RANGAP1: variants seen among roughly 807,000 people sequenced by gnomAD.
RANGAP1 encodes the protein ran GTPase-activating protein 1.
A neutral mutation model predicts 63.5 loss-of-function variants in RANGAP1; 38 were observed. The ratio of observed to expected loss-of-function variants is 0.60; its 90% confidence interval spans 0.46 to 0.78. The LOEUF (loss-of-function observed/expected upper bound fraction) is 0.78. RANGAP1 is among the 30% of genes least tolerant of loss of function. The pLI is 0.00. For missense variants in RANGAP1, 630 were observed against 740.3 expected (o/e 0.85, Z 1.73); for synonymous variants, 329 against 310.5 (o/e 1.06, Z -0.63).
intron 4 of RANGAP1, 67 bp from the exon 5 acceptor site, chr22:41,264,910 T>C: frequency 6.7e-7 from 1 of 1,501,532 alleles, no homozygotes; most frequent in Non-Finnish European, 9.1e-7. Context: ...GCTGCTTCTG[T>C]GCCAGGCCCA....
intron 14 of RANGAP1, 22 bp from the exon 15 acceptor site, chr22:41,249,473 G>A (rs2033282041): frequency 2.5e-6 from 4 of 1,598,918 alleles, no homozygotes; most frequent in Non-Finnish European, 3.4e-6. Flanking sequence ...ACAGCGAAAA[G>A]CGGGGTGAGC....
At chr22:41,273,733 C>T (rs997492121) in intron 3 of RANGAP1, among the ~76,000 whole-genome samples, 1 of 129,448 alleles carries the variant, frequency 7.7e-6, no homozygotes, top group Non-Finnish European at 1.6e-5. Flanking sequence ...CACCACTGCA[C>T]ACCAGCCCGG....
At chr22:41,287,099 T>C (rs1202575869), upstream of RANGAP1, among the ~76,000 whole-genome samples, 1 of 152,254 alleles carries the variant, frequency 6.6e-6, no homozygotes, top group Non-Finnish European at 1.5e-5. Context: ...GTATCAATGT[T>C]AAATTTATTA....
At chr22:41,273,766 CAAAAAAAA>C (rs71200678) in intron 3 of RANGAP1, among the ~76,000 whole-genome samples, 254 of 24,348 alleles carry the variant, frequency 0.01, 3 homozygotes, top group African/African-American at 0.035. Context: ...GACTCCATCT[CAAAAAAAA>C]AAAAAAAAAA....
rs368879971 is a variant in RANGAP1 at position 41,261,515 on chromosome 22, C to T, written c.546G>A (p.Leu182=). The T allele has an allele frequency of 1.2e-6, 2 of 1,614,158 alleles. No homozygotes were observed. Among genetic ancestry groups the T allele is most frequent in the African/African-American group, 2.7e-5 (2 of 74,956 alleles). ...GGTTTCTGCCAGCCACAAAGACCTT[C>T]AGGGCCAGAGGCTTGCCTTGGGCAC... is the stretch of plus-strand genomic sequence containing the variant. ...KSSAQGKPLA[L]KVFVAGRNRL... is the part of the protein sequence containing the mutation. The change falls in exon 6 of 16, where the codon CTG becomes CTA. Residue 182 remains leucine, a synonymous_variant. Transcript: ENST00000356244.
At position 41,251,015 on chromosome 22, in the gene RANGAP1, T is replaced by C. The variant is rs1293122177; in HGVS notation, c.1475A>G (p.Asp492Gly). 9.3e-6 allele frequency: 15 copies of C among 1,614,088 alleles called. No individual in the cohort carries two copies. The highest frequency in any genetic ancestry group is 2.2e-5 in the South Asian group (2 of 91,080). The part of the protein sequence containing the change: ...DEATVRMAVQ[D>G]AVDALMQKAF... ...CACCCAGCCCACATTACCTACTGCA[T>C]CCTGCACTGCCATCCTCACAGTAGC... Residue 492 changes from aspartate to glycine, a missense_variant, in exon 13 of 16, where the codon GAT becomes GGT. Around this residue, in one of 3 missense-constraint regions of RANGAP1, gnomAD observed 428 missense variants for 465.5 expected, o/e 0.92. Transcript: ENST00000356244.
At chr22:41,258,213 A>C (rs188852536) in intron 6 of RANGAP1, 107 bp from the exon 7 acceptor site, 2 of 1,306,606 alleles carry the variant, frequency 1.5e-6, no homozygotes, top group East Asian at 5.1e-5. Flanking sequence ...TGCCGCCAGC[A>C]CAGGGCAGGG....
chr22:41,266,404 A>G (rs1158360752), intron 4 of RANGAP1, among the ~76,000 whole-genome samples: 2 of 152,248 alleles, frequency 1.3e-5, no homozygotes, highest in Non-Finnish European at 2.9e-5. Context: ...GTAAAAGAAA[A>G]CAAAAACCAA....
chr22:41,301,849 G>C, the RANGAP1 span: 3 of 151,914 alleles, frequency 2.0e-5, no homozygotes, highest in Non-Finnish European at 4.4e-5. Context: ...GCGCGCGAGG[G>C]TTCGGGGACG....
At chr22:41,261,032 G>A (rs1335446536) in intron 6 of RANGAP1, among the ~76,000 whole-genome samples, 4 of 152,132 alleles carry the variant, frequency 2.6e-5, no homozygotes, top group Non-Finnish European at 4.4e-5. Flanking sequence ...TGAGCCCTGC[G>A]GCTGCCCCTG....
chr22:41,267,331 C>T (rs1007080743), intron 4 of RANGAP1, among the ~76,000 whole-genome samples: 2 of 152,026 alleles, frequency 1.3e-5, no homozygotes, highest in Admixed American at 6.6e-5. Flanking sequence ...AGAGCAAGAC[C>T]CTGTCTTTAA....
In RANGAP1 at chr22:41,268,166, A is replaced by C; in HGVS notation, c.241-10T>G. The C allele has an allele frequency of 1.9e-6, 3 of 1,544,770 alleles. No homozygotes were observed. The highest frequency in any genetic ancestry group is 8.8e-7 in the Non-Finnish European group (1 of 1,140,108). On this transcript the variant is annotated splice_polypyrimidine_tract_variant and intron_variant, in intron 3 of 15. Coordinates refer to ENST00000356244, the MANE Select transcript of RANGAP1 (RefSeq NM_002883.4). ...CACTCCAGTGGCAGCGCTGCAACGG[A>C]AAGAAGAGAAGAGTTAGCGGGAGAG...
At chr22:41,258,190 C>T (rs2033959229) in intron 6 of RANGAP1, 84 bp from the exon 7 acceptor site, 5 of 1,463,008 alleles carry the variant, frequency 3.4e-6, no homozygotes, top group Non-Finnish European at 4.6e-6. Flanking sequence ...ACACAGCAGG[C>T]ACAGGAATGG....
In RANGAP1 at chr22:41,264,669, C is replaced by T. The variant is rs769879963; in HGVS notation, c.475G>A (p.Gly159Ser). ...GAGGGGGCTGCCACACCCACCTTGC[C>T]GCCGCCAATGCCCATGCCACAGTTG... The part of the protein sequence containing the change: ...LNNCGMGIGG[G>S]KILAAALTEC... The change falls in exon 5 of 16, where the codon GGC becomes AGC. Residue 159 changes from glycine (G) to serine (S), a missense_variant. Around this residue, in one of 3 missense-constraint regions of RANGAP1, gnomAD observed 137 missense variants for 214.3 expected, o/e 0.64. Transcript: ENST00000356244. The T allele has an allele frequency of 7.5e-6, 12 of 1,609,730 alleles. No individual in the cohort carries two copies. Among genetic ancestry groups the T allele is most frequent in the African/African-American group, 2.7e-5 (2 of 74,880 alleles).
intron 3 of RANGAP1, among the ~76,000 whole-genome samples, chr22:41,270,483 T>A (rs2034741201): frequency 6.6e-6 from 1 of 152,106 alleles, no homozygotes; most frequent in Non-Finnish European, 1.5e-5. Context: ...GGTCTCACTC[T>A]GTCGCCCAGG....
At chr22:41,267,788 A>G (rs757711366) in intron 4 of RANGAP1, among the ~76,000 whole-genome samples, 1 of 152,164 alleles carries the variant, frequency 6.6e-6, no homozygotes, top group Non-Finnish European at 1.5e-5. Flanking sequence ...CGGGGCAATC[A>G]TATTGGGGTG....
intron 3 of RANGAP1, among the ~76,000 whole-genome samples, chr22:41,271,569 C>T (rs2034831115): frequency 6.6e-6 from 1 of 151,784 alleles, no homozygotes; most frequent in African/African-American, 2.4e-5. Flanking sequence ...TGGCAGGCAC[C>T]CGTAGTCCCA....
the RANGAP1 span, among the ~76,000 whole-genome samples, chr22:41,293,089 G>C: frequency 6.6e-6 from 1 of 151,774 alleles, no homozygotes; most frequent in South Asian, 2.1e-4. Flanking sequence ...CAAAAAATTA[G>C]CCAGGCGTGT....
At chr22:41,250,911 G>A (rs1039986155) in intron 13 of RANGAP1, 96 bp downstream of exon 13, 6 of 1,002,000 alleles carry the variant, frequency 6.0e-6, no homozygotes, top group East Asian at 2.4e-5. Flanking sequence ...CCATGAGAGC[G>A]CTGGGGCTGA....
Sources: allele counts gnomAD v4.1 joint callset (sites outside exome capture counted in the v4.1 genomes callset), GRCh38; gene constraint gnomAD v4.1.1; regional missense constraint gnomAD v4.1.1; transcripts MANE v1.5; gene names NCBI Gene and HGNC (gene_info 2026-07-23, HGNC 2026-07-21).